LRFN2: variants seen among roughly 807,000 people sequenced by gnomAD.
The protein encoded by LRFN2 is leucine-rich repeat and fibronectin type-III domain-containing protein 2.
Under a neutral mutation model 37.3 loss-of-function variants are expected in LRFN2, and 18 were observed. That is an observed-to-expected ratio of 0.48 (90% CI 0.33 to 0.72). The LOEUF is 0.72. LRFN2 is among the 30% of genes least tolerant of loss of function. The pLI is 0.02. For synonymous variants in LRFN2, 556 were observed against 466.6 expected, an observed-to-expected ratio of 1.19 and a Z score of -2.47; for missense variants, 1,006 against 1,060.7, an observed-to-expected ratio of 0.95 and a Z score of 0.72.
At chr6:40,408,976 A>G (rs1314972233) in intron 2 of LRFN2, among the ~76,000 whole-genome samples, 4 of 152,216 alleles carry the variant, frequency 2.6e-5, no homozygotes, top group Non-Finnish European at 5.9e-5. Flanking sequence ...GTATCCTCAC[A>G]TGGCAGCAGT....
At chr6:40,571,046 G>T (rs1236591431) in intron 1 of LRFN2, among the ~76,000 whole-genome samples, 2 of 152,180 alleles carry the variant, frequency 1.3e-5, no homozygotes, top group African/African-American at 2.4e-5. Flanking sequence ...TTAGCAAGAG[G>T]CCCCGGAAGC....
chr6:40,500,180 C>T (rs1420717077), intron 1 of LRFN2, among the ~76,000 whole-genome samples: 8 of 152,234 alleles, frequency 5.3e-5, no homozygotes, highest in East Asian at 1.9e-4. Context: ...CCCCGGAGAC[C>T]GGGAGGCTCT....
chr6:40,457,620 CA>C (rs1221349064), intron 1 of LRFN2, among the ~76,000 whole-genome samples: 4 of 47,536 alleles, frequency 8.4e-5, no homozygotes, highest in Non-Finnish European at 1.2e-4. Context: ...GCCTAGGCAA[CA>C]AAGAAAGACC....
intron 1 of LRFN2, among the ~76,000 whole-genome samples, chr6:40,437,846 A>T (rs1019167938): frequency 2.0e-5 from 3 of 152,220 alleles, no homozygotes; most frequent in Admixed American, 2.0e-4. Context: ...AGGGTGGTGT[A>T]GGTGGTGGAG....
intron 1 of LRFN2, among the ~76,000 whole-genome samples, chr6:40,521,150 T>G (rs987121983): frequency 6.6e-6 from 1 of 151,904 alleles, no homozygotes; most frequent in African/African-American, 2.4e-5. Context: ...AAAGTGTGTA[T>G]GCCATAGTAT....
intron 1 of LRFN2, among the ~76,000 whole-genome samples, chr6:40,444,247 G>A (rs1429731548): frequency 1.3e-5 from 2 of 152,120 alleles, no homozygotes; most frequent in African/African-American, 2.4e-5. Context: ...GCACTTGGAA[G>A]TATAGGAAAA....
chr6:40,406,071 G>A (rs975002907), intron 2 of LRFN2, among the ~76,000 whole-genome samples: 2 of 152,168 alleles, frequency 1.3e-5, no homozygotes, highest in Non-Finnish European at 2.9e-5. Flanking sequence ...AAAGCCAGGA[G>A]GTGGGAATCC....
At chr6:40,446,144 G>A (rs1277526533) in intron 1 of LRFN2, among the ~76,000 whole-genome samples, 4 of 152,164 alleles carry the variant, frequency 2.6e-5, no homozygotes, top group Non-Finnish European at 2.9e-5. Context: ...TGCTGTTGTC[G>A]GTTAGATGGG....
At chr6:40,534,078 C>T (rs1449428541) in intron 1 of LRFN2, among the ~76,000 whole-genome samples, 2 of 152,184 alleles carry the variant, frequency 1.3e-5, no homozygotes, top group Non-Finnish European at 2.9e-5. Context: ...AGTAGCTTGC[C>T]CACAGGGACA....
intron 1 of LRFN2, among the ~76,000 whole-genome samples, chr6:40,503,519 C>A (rs981340877): frequency 2.0e-5 from 3 of 152,136 alleles, no homozygotes; most frequent in African/African-American, 7.2e-5. Flanking sequence ...AGACAGGTAG[C>A]GTTTGGGGAC....
chr6:40,430,157 C>T lies in LRFN2; in HGVS notation c.1400+1557G>A, dbSNP rs1477492054. Among the ~76,000 whole-genome samples, 6 of 152,318 alleles carry T rather than the reference C, an allele frequency of 3.9e-5. No homozygotes were observed. In the East Asian group the frequency reaches 1.2e-3, roughly 29 times the overall value. On this transcript the variant is annotated intron_variant, in intron 2 of 2. Transcript: ENST00000338305. Reference sequence around the variant, plus strand: ...TGCACATATGCATGTGGGTAACTTCCGATGCTGCTTTCTCTCCATCCTGAG... The same window carrying T: ...TGCACATATGCATGTGGGTAACTTCTGATGCTGCTTTCTCTCCATCCTGAG...
At position 40,444,034 on chromosome 6, in the gene LRFN2, G is replaced by A. The variant is rs114279148; in HGVS notation, c.-18-10903C>T. On this transcript the variant is annotated intron_variant, in intron 1 of 2. Coordinates refer to ENST00000338305, the MANE Select transcript of LRFN2 (RefSeq NM_020737.3). ...CACCACCCTCTCACCACTTGCTGAT[G>A]CCCCCCAATGGCCAAACCTAACTAG... 3.2e-3 allele frequency among the ~76,000 whole-genome samples: 480 copies of A among 152,258 alleles called. 3 individuals carry two copies. The highest frequency in any genetic ancestry group is 0.011 in the African/African-American group (460 of 41,552).
intron 2 of LRFN2, chr6:40,407,960 G>C (rs1762883106): frequency 6.6e-6 from 1 of 152,234 alleles, no homozygotes; most frequent in Admixed American, 6.5e-5. Flanking sequence ...ATGAAATTCT[G>C]GTACATGCTA....
chr6:40,437,497 A>G (rs1326415725), intron 1 of LRFN2, among the ~76,000 whole-genome samples: 1 of 152,234 alleles, frequency 6.6e-6, no homozygotes, highest in Non-Finnish European at 1.5e-5. Context: ...CACAGTTTGA[A>G]AAAAGTTTGT....
chr6:40,424,044 C>T (rs1021539326), intron 2 of LRFN2, among the ~76,000 whole-genome samples: 1 of 152,230 alleles, frequency 6.6e-6, no homozygotes. Context: ...AATCACTACC[C>T]TGGACTTCTG....
chr6:40,457,276 T>A (rs1367528300), intron 1 of LRFN2, among the ~76,000 whole-genome samples: 1 of 152,066 alleles, frequency 6.6e-6, no homozygotes, highest in Non-Finnish European at 1.5e-5. Flanking sequence ...ATATGTGGAT[T>A]TAGGGCCTTG....
rs550460500 is a variant in LRFN2 at position 40,396,910 on chromosome 6, C to T, written c.1401-3998G>A. Among the ~76,000 whole-genome samples the T allele has an allele frequency of 7.9e-5, 12 of 152,220 alleles. No homozygotes were observed. The South Asian group carries it at 2.1e-3, about 26-fold the overall frequency. On this transcript the variant is annotated intron_variant, in intron 2 of 2. Coordinates refer to ENST00000338305, the MANE Select transcript of LRFN2 (RefSeq NM_020737.3). ...ACTTACTTGTCCTGGCAAGTTTACA[C>T]GCATTATCTCATTTAATCTCCTACA... is the stretch of plus-strand genomic sequence containing the variant.
intron 1 of LRFN2, among the ~76,000 whole-genome samples, chr6:40,535,862 T>C (rs1380940107): frequency 6.6e-6 from 1 of 151,838 alleles, no homozygotes; most frequent in African/African-American, 2.4e-5. Context: ...ATGTGCACAA[T>C]GCAGAGAAAA....
chr6:40,470,626 G>A (rs1764573228), intron 1 of LRFN2, among the ~76,000 whole-genome samples: 1 of 151,256 alleles, frequency 6.6e-6, no homozygotes, highest in East Asian at 1.9e-4. Context: ...AAAAAAATAG[G>A]CTGTGTTCTA....
Sources: allele counts gnomAD v4.1 joint callset (sites outside exome capture counted in the v4.1 genomes callset), GRCh38; gene constraint gnomAD v4.1.1; transcripts MANE v1.5; gene names NCBI Gene and HGNC (gene_info 2026-07-23, HGNC 2026-07-21).